UGT1A3: variants seen among roughly 807,000 people sequenced by gnomAD.
UGT1A3 encodes UDP-glucuronosyltransferase 1A3.
UGT1A3 carries 31 observed loss-of-function variants against 41.0 expected under a neutral mutation model. The ratio of observed to expected loss-of-function variants is 0.76; its 90% CI spans 0.57 to 1.02. The LOEUF (loss-of-function observed/expected upper bound fraction) is 1.02. UGT1A3 is among the 50% of genes least tolerant of loss of function. The probability of loss-of-function intolerance (pLI) is 0.00; values close to 1 mark genes in which losing one functional copy is unlikely to be tolerated. For synonymous variants in UGT1A3, 262 were observed against 257.6 expected, an observed-to-expected ratio of 1.02 and a Z score of -0.17; for missense variants, 737 against 671.0, an observed-to-expected ratio of 1.10 and a Z score of -1.09.
intron 1 of UGT1A3, among the ~76,000 whole-genome samples, chr2:233,763,201 A>G (rs1698260183): frequency 6.6e-6 from 1 of 152,250 alleles, no homozygotes; most frequent in South Asian, 2.1e-4. Flanking sequence ...TGTTTGGTGC[A>G]GTCAGGCTTA....
At chr2:233,738,225 T>C (rs1690730877) in intron 1 of UGT1A3, among the ~76,000 whole-genome samples, 1 of 152,022 alleles carries the variant, frequency 6.6e-6, no homozygotes, top group South Asian at 2.1e-4. Context: ...ATAAGTTTCC[T>C]GAGGCCCCTC....
chr2:233,749,921 T>C (rs1694306476), intron 1 of UGT1A3, among the ~76,000 whole-genome samples: 1 of 151,948 alleles, frequency 6.6e-6, no homozygotes. Flanking sequence ...TGTGAGTCAA[T>C]TAAAGCTCTT....
intron 4 of UGT1A3, 140 bp downstream of exon 4, chr2:233,768,579 CTTCTTTT>C: frequency 1.1e-6 from 1 of 934,852 alleles, no homozygotes; most frequent in Non-Finnish European, 1.4e-6. Context: ...ATTTTTATTT[CTTCTTTT>C]TTTTTTTTTT....
chr2:233,731,757 G>A (rs2078201217), intron 1 of UGT1A3, among the ~76,000 whole-genome samples: 1 of 152,162 alleles, frequency 6.6e-6, no homozygotes. Flanking sequence ...GTGTGCATGT[G>A]TCCTTAGAGT....
At position 233,767,071 on chromosome 2, in the gene UGT1A3, G is replaced by A. The variant is rs1451220464; in HGVS notation, c.905G>A (p.Gly302Glu). The A allele has an allele frequency of 2.3e-5, 37 of 1,614,098 alleles. No individual in the cohort carries two copies. The highest frequency in any genetic ancestry group is 3.1e-5 in the Non-Finnish European group (37 of 1,180,012). ...EAYINASGEHGIVVFSLGSMV... is the reference protein window; with the variant it reads ...EAYINASGEHEIVVFSLGSMV... Reference sequence around the variant, plus strand: ...TACATTAATGCTTCTGGAGAACATGGAATTGTGGTTTTCTCTTTGGGATCA... The same window carrying A: ...TACATTAATGCTTCTGGAGAACATGAAATTGTGGTTTTCTCTTTGGGATCA... The change falls in exon 2 of 5, where the codon GGA becomes GAA. Residue 302 changes from glycine to glutamate, a missense_variant. Transcript: ENST00000482026.
In UGT1A3 at chr2:233,769,857, CAA is replaced by C. The variant is rs879204025; in HGVS notation, c.1307+1434_1307+1435del. The C allele has an allele frequency of 0.032, 7,144 of 220,908 alleles. No individual in the cohort carries two copies. The highest frequency in any genetic ancestry group is 0.048 in the South Asian group (428 of 8,924). The allele number at this position is 220,908 out of a possible 1,614,324, so 13.7% of individuals were successfully genotyped here. Reference sequence around the variant, plus strand: ...TGGGCAACAGAGTGAGACCCTGTCTCAAAAAAAAAAAAAAAAATGAAAAGTCC... The same window carrying C: ...TGGGCAACAGAGTGAGACCCTGTCTCAAAAAAAAAAAAAAATGAAAAGTCC... On this transcript the variant is annotated intron_variant, in intron 4 of 4. Transcript: ENST00000482026. The surrounding 1 kb of genome is among the most constrained non-coding windows in gnomAD (Gnocchi z 4.4).
rs768406163 is a variant in UGT1A3 at position 233,729,488 on chromosome 2, C to T, written c.362C>T (p.Ser121Phe). 1.9e-6 allele frequency: 3 copies of T among 1,614,180 alleles called. No individual in the cohort carries two copies. Among genetic ancestry groups the T allele is most frequent in the South Asian group, 2.2e-5 (2 of 91,082 alleles). Reference protein sequence around the residue: ...FRSMAMLNNMSLVYHRSCVEL... With the variant: ...FRSMAMLNNMFLVYHRSCVEL... ...AGTATGGCAATGTTGAACAATATGT[C>T]TTTGGTCTATCATAGGTCTTGTGTG... The change falls in exon 1 of 5, where the codon TCT (serine) becomes TTT (phenylalanine). Residue 121 changes from serine to phenylalanine, a missense_variant. Coordinates refer to ENST00000482026, the MANE Select transcript of UGT1A3 (RefSeq NM_019093.4).
chr2:233,755,003 C>G (rs10929301), intron 1 of UGT1A3: 604,259 of 1,287,546 alleles, frequency 0.47, 145,841 homozygotes, highest in African/African-American at 0.7. Context: ...AGCTGAAGAC[C>G]TACTCGAAGG....
intron 1 of UGT1A3, chr2:233,748,229 G>A: frequency 1.4e-6 from 2 of 1,404,944 alleles, no homozygotes; most frequent in Non-Finnish European, 1.9e-6. Flanking sequence ...AAACTGTTAA[G>A]GGGTCTCTAG....
intron 1 of UGT1A3, among the ~76,000 whole-genome samples, chr2:233,757,409 T>C (rs1456650401): frequency 6.6e-6 from 1 of 151,334 alleles, no homozygotes; most frequent in Non-Finnish European, 1.5e-5. Context: ...ATGCAGGGTC[T>C]AGAACGAAAA....
chr2:233,772,754 T>C lies in UGT1A3; in HGVS notation c.*195T>C. On this transcript the variant is annotated 3_prime_UTR_variant, in exon 5 of 5. Transcript: ENST00000482026. ...GCTAGTCAGTAAAGATATTTGAATA[T>C]GTATCGTGCCCCCTCTGGTGTCTTT... 2 of 1,409,478 alleles carry C rather than the reference T, an allele frequency of 1.4e-6. No individual in the cohort carries two copies. Among genetic ancestry groups the C allele is most frequent in the Non-Finnish European group, 1.9e-6 (2 of 1,074,872 alleles). 87.3% of individuals were successfully genotyped at this position (1,409,478 alleles called of 1,614,324 possible).
rs150837733 is a variant in UGT1A3, at chr2:233,735,056, T to A, written c.867+5063T>A. ...TGCTTGGTGCAGAGCTGAGTTCAGG[T>A]CCTGGATATCCTTGTTAACCTTTGG... On this transcript the variant is annotated intron_variant, in intron 1 of 4. Coordinates refer to ENST00000482026, the MANE Select transcript of UGT1A3 (RefSeq NM_019093.4). 1.8e-3 allele frequency among the ~76,000 whole-genome samples: 281 copies of A among 152,326 alleles called. 3 individuals are homozygous for A. Among genetic ancestry groups the A allele is most frequent in the East Asian group, 0.013 (69 of 5,186 alleles).
chr2:233,763,296 GAT>G (rs1373689978), intron 1 of UGT1A3, among the ~76,000 whole-genome samples: 1 of 152,054 alleles, frequency 6.6e-6, no homozygotes, highest in African/African-American at 2.4e-5. Flanking sequence ...CCACTTTTTG[GAT>G]ATTAATATTA....
intron 1 of UGT1A3, among the ~76,000 whole-genome samples, chr2:233,764,543 G>A (rs1413559282): frequency 2.6e-5 from 4 of 152,222 alleles, no homozygotes; most frequent in South Asian, 2.1e-4. Context: ...CTGAGTGGGC[G>A]TGTGGGAGGG....
At chr2:233,748,806 A>C (rs981596738) in intron 1 of UGT1A3, among the ~76,000 whole-genome samples, 1 of 151,326 alleles carries the variant, frequency 6.6e-6, no homozygotes, top group Non-Finnish European at 1.5e-5. Flanking sequence ...AATTATCAAG[A>C]AATTGTGGAA....
Position 233,772,687 on chromosome 2 carries a change from A to G in UGT1A3, c.*128A>G. 2 of 1,493,882 alleles carry G rather than the reference A, an allele frequency of 1.3e-6. No homozygotes were observed. Among genetic ancestry groups the G allele is most frequent in the South Asian group, 2.6e-5 (2 of 76,070 alleles). The allele number at this position is 1,493,882 out of a possible 1,614,324, so 92.5% of individuals were successfully genotyped here. On this transcript the variant is annotated 3_prime_UTR_variant, in exon 5 of 5. Coordinates refer to ENST00000482026, the MANE Select transcript of UGT1A3 (RefSeq NM_019093.4). ...TACTTTGCATAAATTAATCAGCCCC[A>G]GAGTGCTTTAAAAAATTCTCTTAAA...
At position 233,766,967 on chromosome 2, in the gene UGT1A3, A is replaced by G. The variant is rs907752763; in HGVS notation, c.868-67A>G. The G allele has an allele frequency of 1.5e-5, 24 of 1,609,126 alleles. No homozygotes were observed. The African/African-American group carries it at 3.1e-4, about 21-fold the overall frequency. On this transcript the variant is annotated intron_variant, in intron 1 of 4. Coordinates refer to ENST00000482026, the MANE Select transcript of UGT1A3 (RefSeq NM_019093.4). Reference sequence around the variant, plus strand: ...TTAAGAGGAAGATATCTAATTCATAACTTACTGTATGTAGTCATCAAAGAA... The same window carrying G: ...TTAAGAGGAAGATATCTAATTCATAGCTTACTGTATGTAGTCATCAAAGAA...
At chr2:233,765,252 C>T (rs1390588094) in intron 1 of UGT1A3, among the ~76,000 whole-genome samples, 1 of 152,180 alleles carries the variant, frequency 6.6e-6, no homozygotes, top group Non-Finnish European at 1.5e-5. Flanking sequence ...AATCCCATTA[C>T]TGGGTATATA....
chr2:233,733,522 T>C (rs2078409587), intron 1 of UGT1A3, among the ~76,000 whole-genome samples: 1 of 152,228 alleles, frequency 6.6e-6, no homozygotes, highest in Non-Finnish European at 1.5e-5. Flanking sequence ...CATGAAGGGA[T>C]GTTTAATTTT....
Sources: allele counts gnomAD v4.1 joint callset (sites outside exome capture counted in the v4.1 genomes callset), GRCh38; gene constraint gnomAD v4.1.1; non-coding constraint Gnocchi (gnomAD v3.1); transcripts MANE v1.5; gene names NCBI Gene and HGNC (gene_info 2026-07-23, HGNC 2026-07-21).